PRKAR2B: variants seen among roughly 807,000 people sequenced by gnomAD.
PRKAR2B encodes the protein cAMP-dependent protein kinase type II-beta regulatory subunit.
A neutral mutation model predicts 49.9 loss-of-function variants in PRKAR2B; 14 were observed. The observed-to-expected ratio is 0.28, with a 90% CI of 0.19 to 0.44. The LOEUF (loss-of-function observed/expected upper bound fraction) is 0.44. Ranked by LOEUF, PRKAR2B falls within the 20% of genes least tolerant of loss-of-function variation. The probability of loss-of-function intolerance (pLI) is 1.00; values close to 1 mark genes in which losing one functional copy is unlikely to be tolerated. For synonymous variants in PRKAR2B, 196 were observed against 197.7 expected, an observed-to-expected ratio of 0.99 and a Z score of 0.07; for missense variants, 393 against 537.9, an observed-to-expected ratio of 0.73 and a Z score of 2.67.
chr7:107,126,994 A>G lies in PRKAR2B; in HGVS notation c.397-1218A>G, dbSNP rs148007719. 3.6e-3 allele frequency among the ~76,000 whole-genome samples: 551 copies of G among 152,350 alleles called. 4 individuals carry two copies. Among genetic ancestry groups the G allele is most frequent in the African/African-American group, 0.013 (524 of 41,574 alleles). Reference sequence around the variant, plus strand: ...TTTCATGTAGTCTTTACATAATGCAAATAAATGGTATATATATCAATAGTT... The same window carrying G: ...TTTCATGTAGTCTTTACATAATGCAGATAAATGGTATATATATCAATAGTT... On this transcript the variant is annotated intron_variant, in intron 3 of 10. Transcript: ENST00000265717.
At chr7:107,142,164 T>C (rs746476421) in intron 5 of PRKAR2B, among the ~76,000 whole-genome samples, 31 of 152,150 alleles carry the variant, frequency 2.0e-4, no homozygotes, top group Non-Finnish European at 3.5e-4. Flanking sequence ...TCAGAGGTCT[T>C]GGTGAAAATG....
intron 4 of PRKAR2B, among the ~76,000 whole-genome samples, chr7:107,132,750 A>G (rs1358196554): frequency 6.6e-6 from 1 of 152,158 alleles, no homozygotes; most frequent in Non-Finnish European, 1.5e-5. Context: ...AGCAAGAAGA[A>G]TGATCTTGGC....
intron 1 of PRKAR2B, among the ~76,000 whole-genome samples, chr7:107,048,246 A>G (rs1793735231): frequency 6.6e-6 from 1 of 152,164 alleles, no homozygotes. Context: ...TAAAGCTCTG[A>G]AAAATTAACT....
intron 2 of PRKAR2B, among the ~76,000 whole-genome samples, chr7:107,099,011 C>G (rs775309376): frequency 2.0e-5 from 3 of 152,178 alleles, no homozygotes; most frequent in Non-Finnish European, 4.4e-5. Flanking sequence ...ATCTCAAACT[C>G]CGTGCCCAGA....
At chr7:107,045,570 G>C (rs1793672634) in intron 1 of PRKAR2B, among the ~76,000 whole-genome samples, 1 of 152,180 alleles carries the variant, frequency 6.6e-6, no homozygotes, top group Non-Finnish European at 1.5e-5. Context: ...GGATACCATT[G>C]TGCATAAAGA....
chr7:107,114,619 C>G (rs1018753287), intron 2 of PRKAR2B, among the ~76,000 whole-genome samples: 13 of 151,298 alleles, frequency 8.6e-5, no homozygotes, highest in African/African-American at 2.9e-4. Flanking sequence ...ATACACCTGC[C>G]TTGGCCTCCT....
At chr7:107,087,340 T>G (rs1794640727) in intron 2 of PRKAR2B, among the ~76,000 whole-genome samples, 1 of 152,112 alleles carries the variant, frequency 6.6e-6, no homozygotes, top group Admixed American at 6.6e-5. Flanking sequence ...CATAAAGATA[T>G]TTCATTTTGA....
intron 4 of PRKAR2B, among the ~76,000 whole-genome samples, chr7:107,133,967 A>G (rs938509086): frequency 5.9e-5 from 9 of 152,064 alleles, no homozygotes; most frequent in African/African-American, 2.2e-4. Flanking sequence ...TGCACATACA[A>G]ATATATTCTT....
chr7:107,107,316 G>A (rs936710315), intron 2 of PRKAR2B, among the ~76,000 whole-genome samples: 2 of 151,620 alleles, frequency 1.3e-5, no homozygotes, highest in African/African-American at 4.9e-5. Context: ...CAGCCTGGGC[G>A]ACAGAGTGAG....
At chr7:107,100,366 A>T (rs1460580471) in intron 2 of PRKAR2B, among the ~76,000 whole-genome samples, 1 of 152,098 alleles carries the variant, frequency 6.6e-6, no homozygotes, top group Non-Finnish European at 1.5e-5. Context: ...GCAGTTAGTA[A>T]TTGTTTTGTT....
intron 8 of PRKAR2B, 42 bp from the exon 9 acceptor site, chr7:107,156,942 A>G: frequency 6.6e-7 from 1 of 1,514,876 alleles, no homozygotes; most frequent in Non-Finnish European, 9.2e-7. Context: ...TTGTCAATTA[A>G]TTTGCATTTT....
chr7:107,077,312 T>C (rs1794416881), intron 2 of PRKAR2B: 1 of 152,202 alleles, frequency 6.6e-6, no homozygotes, highest in Non-Finnish European at 1.5e-5. Context: ...AATAATAAGA[T>C]ACAGTTCTTA....
intron 3 of PRKAR2B, among the ~76,000 whole-genome samples, chr7:107,124,739 A>G (rs1017381547): frequency 6.6e-6 from 1 of 152,192 alleles, no homozygotes; most frequent in Non-Finnish European, 1.5e-5. Flanking sequence ...TGTTCTTTAA[A>G]GAAAATGTCT....
chr7:107,094,346 A>G (rs1318044525), intron 2 of PRKAR2B, among the ~76,000 whole-genome samples: 3 of 151,896 alleles, frequency 2.0e-5, no homozygotes, highest in African/African-American at 7.2e-5. Context: ...TGCCTTTTTG[A>G]TGGGGTTTTT....
intron 2 of PRKAR2B, among the ~76,000 whole-genome samples, chr7:107,074,922 T>C (rs1198710267): frequency 6.6e-6 from 1 of 152,124 alleles, no homozygotes; most frequent in Non-Finnish European, 1.5e-5. Context: ...ACCTAATATA[T>C]AGAAAAGATC....
chr7:107,150,367 T>A (rs1006025224), intron 6 of PRKAR2B, among the ~76,000 whole-genome samples: 3 of 151,924 alleles, frequency 2.0e-5, no homozygotes, highest in East Asian at 1.9e-4. Flanking sequence ...TAAATAAAAA[T>A]TTTTTTTATG....
At chr7:107,078,168 A>G (rs1371432873) in intron 2 of PRKAR2B, 1 of 145,702 alleles carries the variant, frequency 6.9e-6, no homozygotes, top group Admixed American at 7.0e-5. Flanking sequence ...ACCACTGTAC[A>G]CTCCAAGCCT....
chr7:107,050,823 G>A (rs1344061093), intron 1 of PRKAR2B, among the ~76,000 whole-genome samples: 4 of 152,122 alleles, frequency 2.6e-5, no homozygotes, highest in East Asian at 1.9e-4. Flanking sequence ...GAAATGATTC[G>A]TCTTACATTT....
At chr7:107,118,455 T>TA (rs34519369) in intron 2 of PRKAR2B, among the ~76,000 whole-genome samples, 9,120 of 147,452 alleles carry the variant, frequency 0.062, 883 homozygotes, top group African/African-American at 0.21. Context: ...GTCATTTATT[T>TA]AAAAAAAAAA....
Sources: allele counts gnomAD v4.1 joint callset (sites outside exome capture counted in the v4.1 genomes callset), GRCh38; gene constraint gnomAD v4.1.1; transcripts MANE v1.5; gene names NCBI Gene and HGNC (gene_info 2026-07-23, HGNC 2026-07-21).